The following NSMCE1 variants were observed in gnomAD, a reference collection of about 807,000 sequenced individuals.
The protein encoded by NSMCE1 is NSE1 component of SMC5/6 complex, also known as non-structural maintenance of chromosomes element 1 homolog.
A neutral mutation model predicts 29.6 loss-of-function variants in NSMCE1; 18 were observed. That is an observed-to-expected ratio of 0.61 (90% CI 0.42 to 0.90). The LOEUF (loss-of-function observed/expected upper bound fraction) is 0.90, where lower values mean the gene tolerates loss of function less well. Ranked by LOEUF, NSMCE1 falls within the 40% of genes least tolerant of loss-of-function variation. The pLI is 0.00. For synonymous variants in NSMCE1, 124 were observed against 133.4 expected, an observed-to-expected ratio of 0.93 and a Z score of 0.49; for missense variants, 314 against 343.6, an observed-to-expected ratio of 0.91 and a Z score of 0.68.
At chr16:27,259,383 G>A (rs1028155258) in intron 1 of NSMCE1, among the ~76,000 whole-genome samples, 6 of 152,072 alleles carry the variant, frequency 3.9e-5, no homozygotes, top group Non-Finnish European at 7.4e-5. Context: ...ATTCCATGTC[G>A]ATGTACTTAG....
intron 2 of NSMCE1, among the ~76,000 whole-genome samples, chr16:27,236,038 T>C (rs1182323462): frequency 6.6e-6 from 1 of 152,202 alleles, no homozygotes; most frequent in Non-Finnish European, 1.5e-5. Context: ...TTGACTTCTC[T>C]GTCGCCCACC....
intron 2 of NSMCE1, among the ~76,000 whole-genome samples, chr16:27,251,189 T>TATATAA (rs1459861130): frequency 0.013 from 766 of 58,654 alleles, 17 homozygotes; most frequent in African/African-American, 0.066. Flanking sequence ...TATATATATA[T>TATATAA]AAATATATAT....
At chr16:27,262,545 G>A (rs1209137056) in intron 1 of NSMCE1, among the ~76,000 whole-genome samples, 2 of 152,146 alleles carry the variant, frequency 1.3e-5, no homozygotes, top group East Asian at 1.9e-4. Context: ...AGCCATATGT[G>A]AAGACTGAGG....
At position 27,244,316 on chromosome 16, in the gene NSMCE1, G is replaced by A. The variant is rs557138728; in HGVS notation, c.137-9017C>T. On this transcript the variant is annotated intron_variant, in intron 2 of 7. Transcript: ENST00000361439. ...GGTATGAAGGCGGCTGACTGCAGTC[G>A]CTCTGACAGGCGCACGCCCTTCCCT... 6.8e-4 allele frequency among the ~76,000 whole-genome samples: 103 copies of A among 152,336 alleles called. 1 individual carries two copies. Among genetic ancestry groups the A allele is most frequent in the African/African-American group, 2.2e-3 (90 of 41,570 alleles).
At chr16:27,226,105 A>G (rs2140983311) in intron 6 of NSMCE1, 1 of 365,776 alleles carries the variant, frequency 2.7e-6, no homozygotes, top group Non-Finnish European at 5.1e-6. Flanking sequence ...AAACTCCTGC[A>G]CTCAGATCCT....
At chr16:27,251,207 T>TATAAAA (rs1555477430) in intron 2 of NSMCE1, among the ~76,000 whole-genome samples, 12 of 70,764 alleles carry the variant, frequency 1.7e-4, no homozygotes, top group African/African-American at 3.3e-4. Context: ...TATATATATA[T>TATAAAA]AAAACTCTGT....
intron 2 of NSMCE1, 88 bp from the exon 3 acceptor site, chr16:27,235,387 A>C: frequency 6.8e-7 from 1 of 1,471,518 alleles, no homozygotes; most frequent in Non-Finnish European, 9.3e-7. Flanking sequence ...ATCCCATCTC[A>C]ACGCAGGGGA....
intron 1 of NSMCE1, 46 bp downstream of exon 1, chr16:27,268,660 G>A (rs1392837022): frequency 3.9e-5 from 6 of 152,740 alleles, no homozygotes; most frequent in Non-Finnish European, 8.8e-5. Context: ...CTTCCTTGAA[G>A]TCCCTCTTCT....
chr16:27,225,616 C>A, intron 7 of NSMCE1, 110 bp downstream of exon 7: 1 of 1,311,114 alleles, frequency 7.6e-7, no homozygotes. Flanking sequence ...AACACGGACC[C>A]CCACACACCC....
At chr16:27,240,759 G>C (rs1328237046) in intron 2 of NSMCE1, among the ~76,000 whole-genome samples, 1 of 152,170 alleles carries the variant, frequency 6.6e-6, no homozygotes, top group Non-Finnish European at 1.5e-5. Context: ...TCTGTATACA[G>C]TTTCTCCTTT....
chr16:27,244,711 C>T (rs1442989591), intron 2 of NSMCE1, among the ~76,000 whole-genome samples: 1 of 152,206 alleles, frequency 6.6e-6, no homozygotes, highest in Non-Finnish European at 1.5e-5. Context: ...CCCGCTCTAC[C>T]GAGGGACTCA....
chr16:27,229,348 C>T (rs1410227039), intron 5 of NSMCE1, among the ~76,000 whole-genome samples: 1 of 152,222 alleles, frequency 6.6e-6, no homozygotes, highest in Non-Finnish European at 1.5e-5. Flanking sequence ...AGTGAGATGA[C>T]CGTCTCACTG....
chr16:27,255,190 T>C (rs955556926), intron 2 of NSMCE1, among the ~76,000 whole-genome samples: 1 of 152,140 alleles, frequency 6.6e-6, no homozygotes, highest in Non-Finnish European at 1.5e-5. Flanking sequence ...GCTACTATGC[T>C]TTTTAAAGAG....
intron 1 of NSMCE1, among the ~76,000 whole-genome samples, chr16:27,262,557 T>C (rs942106598): frequency 2.0e-5 from 3 of 152,180 alleles, no homozygotes; most frequent in Non-Finnish European, 4.4e-5. Flanking sequence ...AGACTGAGGC[T>C]GGACCCCTTC....
chr16:27,231,846 G>C (rs896758357), intron 5 of NSMCE1, among the ~76,000 whole-genome samples: 3 of 152,134 alleles, frequency 2.0e-5, no homozygotes, highest in African/African-American at 7.2e-5. Context: ...ACGTCATCCA[G>C]ACCCCTGAGC....
chr16:27,226,989 TC>T (rs35071890), intron 5 of NSMCE1, among the ~76,000 whole-genome samples, 153 bp from the exon 6 acceptor site: 11 of 151,860 alleles, frequency 7.2e-5, no homozygotes, highest in Admixed American at 5.2e-4. Context: ...ATCAGCCACA[TC>T]CCCCTGGCAG....
chr16:27,244,893 C>T (rs577491889), intron 2 of NSMCE1, among the ~76,000 whole-genome samples: 2 of 152,204 alleles, frequency 1.3e-5, no homozygotes, highest in African/African-American at 2.4e-5. Context: ...GTCCACGAAC[C>T]GAGGAAGATG....
intron 5 of NSMCE1, among the ~76,000 whole-genome samples, chr16:27,227,783 C>CTT (rs1239133211): frequency 4.4e-4 from 29 of 65,986 alleles, no homozygotes; most frequent in Non-Finnish European, 6.2e-4. Flanking sequence ...CTTTTCTTTT[C>CTT]TTTTTTTTTT....
At chr16:27,225,921 A>C in intron 6 of NSMCE1, 75 bp from the exon 7 acceptor site, 1 of 1,572,792 alleles carries the variant, frequency 6.4e-7, no homozygotes, top group South Asian at 1.1e-5. Context: ...GGAAGCCACA[A>C]GGGAAATGGG....
Sources: allele counts gnomAD v4.1 joint callset (sites outside exome capture counted in the v4.1 genomes callset), GRCh38; gene constraint gnomAD v4.1.1; transcripts MANE v1.5; gene names NCBI Gene and HGNC (gene_info 2026-07-23, HGNC 2026-07-21).